The following DLG2 variants were observed in gnomAD, a reference collection of about 807,000 sequenced individuals.
DLG2 encodes the protein disks large homolog 2.
A neutral mutation model predicts 132.5 loss-of-function variants in DLG2; 45 were observed. The observed-to-expected ratio is 0.34, with a 90% CI of 0.27 to 0.44. The LOEUF is 0.44. Among genes scored for constraint, DLG2 ranks in the 20% least tolerant of loss-of-function variants. DLG2 has a pLI of 1.00. For missense variants in DLG2, 1,045 were observed against 1,196.9 expected, an observed-to-expected ratio of 0.87 and a Z score of 1.87; for synonymous variants, 424 against 419.6, an observed-to-expected ratio of 1.01 and a Z score of -0.13.
At chr11:84,944,011 T>C (rs779914737) in intron 6 of DLG2, among the ~76,000 whole-genome samples, 11 of 152,212 alleles carry the variant, frequency 7.2e-5, no homozygotes, top group Non-Finnish European at 1.6e-4. Context: ...TTTCACTGTA[T>C]ATATTATTCT....
Position 85,173,483 on chromosome 11 carries a change from T to C in DLG2, c.187-18832A>G, listed in dbSNP as rs183209632. On this transcript the variant is annotated intron_variant, in intron 4 of 27. Coordinates refer to ENST00000376104, the MANE Select transcript of DLG2 (RefSeq NM_001142699.3). The stretch of plus-strand genomic sequence containing the variant: ...GAGTTCCTGAAGGAAGCACTAAATA[T>C]GGAAAGGAAAAACCCATTACCAGCA... 7.2e-5 allele frequency among the ~76,000 whole-genome samples: 11 copies of C among 152,138 alleles called. No individual in the cohort carries two copies. The East Asian group carries it at 2.1e-3, about 29-fold the overall frequency.
At chr11:84,308,866 C>CA (rs1450045162) in intron 7 of DLG2, among the ~76,000 whole-genome samples, 2 of 152,358 alleles carry the variant, frequency 1.3e-5, no homozygotes, top group African/African-American at 4.8e-5. Flanking sequence ...ACCCGGAACT[C>CA]ACGCTGGCCC....
intron 6 of DLG2, among the ~76,000 whole-genome samples, chr11:84,742,572 A>T (rs1037721875): frequency 1.3e-5 from 2 of 152,194 alleles, no homozygotes; most frequent in Non-Finnish European, 2.9e-5. Flanking sequence ...GTCCCCACAA[A>T]TGCATAGCAT....
At chr11:83,512,109 C>T (rs1396089073) in intron 21 of DLG2, among the ~76,000 whole-genome samples, 1 of 152,024 alleles carries the variant, frequency 6.6e-6, no homozygotes, top group Non-Finnish European at 1.5e-5. Context: ...ACCATTTTAG[C>T]GAATTAAAGA....
At chr11:84,852,496 C>A (rs1003274272) in intron 6 of DLG2, among the ~76,000 whole-genome samples, 14 of 151,952 alleles carry the variant, frequency 9.2e-5, no homozygotes, top group Admixed American at 5.3e-4. Context: ...AGAATGTCAC[C>A]GGCATGGGTG....
chr11:85,065,720 G>C (rs1243183296), intron 6 of DLG2, among the ~76,000 whole-genome samples: 1 of 150,360 alleles, frequency 6.7e-6, no homozygotes, highest in Non-Finnish European at 1.5e-5. Flanking sequence ...ATAATCTTTG[G>C]GTGAACAATG....
chr11:84,129,510 T>C (rs1296718013), intron 9 of DLG2, among the ~76,000 whole-genome samples: 10 of 152,110 alleles, frequency 6.6e-5, no homozygotes, highest in Admixed American at 5.9e-4. Flanking sequence ...TTTCAAATGA[T>C]ATATTCCAAA....
intron 6 of DLG2, among the ~76,000 whole-genome samples, chr11:85,015,624 C>T (rs2059507131): frequency 1.3e-5 from 2 of 152,060 alleles, no homozygotes; most frequent in South Asian, 4.1e-4. Context: ...ATGAAAAGAA[C>T]ACAATTTACA....
intron 11 of DLG2, among the ~76,000 whole-genome samples, chr11:83,994,887 C>T (rs2449575): frequency 0.98 from 149,656 of 152,210 alleles, 73,577 homozygotes; most frequent in East Asian, 1. Context: ...GCTGGCAGTA[C>T]TTGGCACTCC....
At chr11:85,503,896 T>C (rs928318820) in intron 3 of DLG2, among the ~76,000 whole-genome samples, 5 of 152,004 alleles carry the variant, frequency 3.3e-5, no homozygotes, top group African/African-American at 1.2e-4. Flanking sequence ...CATGTCACTG[T>C]ACTCCAGCCT....
At chr11:84,475,336 T>C (rs1480203927) in intron 7 of DLG2, among the ~76,000 whole-genome samples, 1 of 152,124 alleles carries the variant, frequency 6.6e-6, no homozygotes, top group Non-Finnish European at 1.5e-5. Flanking sequence ...GGAGAAATAC[T>C]AACATTTTTT....
intron 6 of DLG2, among the ~76,000 whole-genome samples, chr11:85,100,685 A>G (rs1217484322): frequency 6.6e-6 from 1 of 152,158 alleles, no homozygotes; most frequent in Non-Finnish European, 1.5e-5. Flanking sequence ...CTGCTTTGCC[A>G]TCAGTCTCTC....
At chr11:83,741,660 C>A (rs2092521844) in intron 18 of DLG2, among the ~76,000 whole-genome samples, 1 of 151,856 alleles carries the variant, frequency 6.6e-6, no homozygotes, top group Non-Finnish European at 1.5e-5. Context: ...AAAGGCAACA[C>A]AAATAAATGA....
intron 18 of DLG2, among the ~76,000 whole-genome samples, chr11:83,668,796 C>G (rs776545724): frequency 4.9e-5 from 3 of 61,660 alleles, no homozygotes; most frequent in African/African-American, 6.4e-5. Flanking sequence ...TGTATATAAA[C>G]ACACATATAT....
At chr11:84,356,936 G>A (rs866519548) in intron 7 of DLG2, among the ~76,000 whole-genome samples, 2 of 152,018 alleles carry the variant, frequency 1.3e-5, no homozygotes, top group Non-Finnish European at 2.9e-5. Flanking sequence ...TTGCCAGAAA[G>A]TTCAAGGGCT....
At chr11:85,078,288 ATATAAGG>A (rs1351723116) in intron 6 of DLG2, among the ~76,000 whole-genome samples, 1 of 151,076 alleles carries the variant, frequency 6.6e-6, no homozygotes, top group East Asian at 2.0e-4. Flanking sequence ...GAAGGGTAAT[ATATAAGG>A]TTATTGAGGA....
chr11:84,366,346 C>T, intron 7 of DLG2, among the ~76,000 whole-genome samples: 1 of 151,860 alleles, frequency 6.6e-6, no homozygotes, highest in Non-Finnish European at 1.5e-5. Context: ...CTGGTACCAG[C>T]CGCTGCAAAA....
At chr11:84,760,582 A>T (rs1303283317) in intron 6 of DLG2, among the ~76,000 whole-genome samples, 3 of 152,222 alleles carry the variant, frequency 2.0e-5, no homozygotes, top group African/African-American at 7.2e-5. Flanking sequence ...GTGAGTTAGC[A>T]GCGGCCCCAC....
chr11:85,335,708 A>G (rs975529369), intron 3 of DLG2, among the ~76,000 whole-genome samples: 14 of 151,960 alleles, frequency 9.2e-5, no homozygotes, highest in African/African-American at 3.4e-4. Flanking sequence ...GATGACAAAC[A>G]CCGCATGTTC....
Sources: allele counts gnomAD v4.1 joint callset (sites outside exome capture counted in the v4.1 genomes callset), GRCh38; gene constraint gnomAD v4.1.1; transcripts MANE v1.5; gene names NCBI Gene and HGNC (gene_info 2026-07-23, HGNC 2026-07-21).